The following AFG1L variants were observed in gnomAD, a reference collection of about 807,000 sequenced individuals.
The protein encoded by AFG1L is AFG1-like ATPase.
A neutral mutation model predicts 62.2 loss-of-function variants in AFG1L; 53 were observed. That is an observed-to-expected ratio of 0.85 (90% CI 0.68 to 1.07). The LOEUF (loss-of-function observed/expected upper bound fraction) is 1.07, where lower values mean the gene tolerates loss of function less well. Ranked by LOEUF, AFG1L falls within the 50% of genes least tolerant of loss-of-function variation. AFG1L has a pLI of 0.00. For synonymous variants in AFG1L, 228 were observed against 210.3 expected (o/e 1.08, Z -0.73); for missense variants, 555 against 590.5 (o/e 0.94, Z 0.62).
chr6:108,474,912 T>A (rs1384666325), intron 8 of AFG1L, among the ~76,000 whole-genome samples: 2 of 152,208 alleles, frequency 1.3e-5, no homozygotes, highest in Non-Finnish European at 2.9e-5. Flanking sequence ...ATTTGTCAAT[T>A]TTTGCCTTCA....
rs867391798 is a variant in AFG1L at position 108,450,621 on chromosome 6, A to G, written c.890+3325A>G. On this transcript the variant is annotated intron_variant, in intron 8 of 12. Coordinates refer to ENST00000368977, the MANE Select transcript of AFG1L (RefSeq NM_145315.5). ...TAGTTTAATTAGATCCCATTTGTCAATTTTGGCTTTTGTTGCCATTGCTTT... is the reference window on the plus strand; with the variant it reads ...TAGTTTAATTAGATCCCATTTGTCAGTTTTGGCTTTTGTTGCCATTGCTTT... 2.0e-5 allele frequency among the ~76,000 whole-genome samples: 3 copies of G among 152,128 alleles called. No homozygotes were observed. The South Asian group carries it at 6.2e-4, about 31-fold the overall frequency.
intron 7 of AFG1L, among the ~76,000 whole-genome samples, chr6:108,414,022 T>C (rs1782238540): frequency 6.6e-6 from 1 of 152,008 alleles, no homozygotes; most frequent in African/African-American, 2.4e-5. Flanking sequence ...GATAGACCAC[T>C]AGCAAGACTA....
chr6:108,446,930 G>T (rs912678024), intron 7 of AFG1L, among the ~76,000 whole-genome samples: 1 of 152,134 alleles, frequency 6.6e-6, no homozygotes, highest in Non-Finnish European at 1.5e-5. Context: ...AAACCCAGAT[G>T]AAGTTATTTG....
At chr6:108,519,414 C>A (rs1775034444) in intron 11 of AFG1L, among the ~76,000 whole-genome samples, 1 of 152,200 alleles carries the variant, frequency 6.6e-6, no homozygotes, top group Non-Finnish European at 1.5e-5. Flanking sequence ...TCTGGGCTGA[C>A]ATCTTGAGCT....
At chr6:108,362,522 A>G (rs1226564231) in intron 5 of AFG1L, among the ~76,000 whole-genome samples, 2 of 152,220 alleles carry the variant, frequency 1.3e-5, no homozygotes, top group Non-Finnish European at 2.9e-5. Flanking sequence ...AATTATATTA[A>G]TACTAGCATA....
At chr6:108,356,569 A>G in intron 4 of AFG1L, 121 bp from the exon 5 acceptor site, 1 of 572,866 alleles carries the variant, frequency 1.7e-6, no homozygotes, top group Non-Finnish European at 2.8e-6. Context: ...TTGATTTTAC[A>G]TGGAGTTTAA....
chr6:108,395,512 C>T (rs192220327), intron 6 of AFG1L, among the ~76,000 whole-genome samples: 1 of 150,200 alleles, frequency 6.7e-6, no homozygotes, highest in East Asian at 2.0e-4. Flanking sequence ...GGTGAGCCTC[C>T]CACCTCATCT....
At chr6:108,450,493 G>A (rs141772074) in intron 8 of AFG1L, among the ~76,000 whole-genome samples, 15,097 of 151,982 alleles carry the variant, frequency 0.099, 1,066 homozygotes, top group African/African-American at 0.2. Context: ...TAGATTCTGG[G>A]TATTAGCCCT....
At chr6:108,520,143 G>A (rs1582698767) in intron 12 of AFG1L, 1 of 221,068 alleles carries the variant, frequency 4.5e-6, no homozygotes, top group East Asian at 1.2e-4. Flanking sequence ...CCTGTGCCCG[G>A]TTCTGGGCTT....
intron 3 of AFG1L, among the ~76,000 whole-genome samples, chr6:108,348,235 T>C (rs774307208): frequency 6.6e-6 from 1 of 152,124 alleles, no homozygotes; most frequent in Non-Finnish European, 1.5e-5. Context: ...TCTGCCACCA[T>C]GCCCGGCTAA....
intron 2 of AFG1L, among the ~76,000 whole-genome samples, chr6:108,333,924 A>G (rs180749085): frequency 1.3e-3 from 204 of 152,306 alleles, no homozygotes; most frequent in African/African-American, 4.6e-3. Flanking sequence ...ATAGTCTTCA[A>G]TTTTGCCTGT....
chr6:108,381,101 A>G (rs1780493863), intron 6 of AFG1L, among the ~76,000 whole-genome samples: 1 of 152,242 alleles, frequency 6.6e-6, no homozygotes, highest in African/African-American at 2.4e-5. Context: ...GAAAAAAGCC[A>G]ACCAAAAACA....
intron 3 of AFG1L, among the ~76,000 whole-genome samples, chr6:108,354,299 A>T (rs138909248): frequency 1.3e-5 from 2 of 151,620 alleles, no homozygotes; most frequent in Non-Finnish European, 2.9e-5. Context: ...ACTGAACCCT[A>T]TGTTTTTTTT....
intron 1 of AFG1L, among the ~76,000 whole-genome samples, chr6:108,313,792 G>A (rs1017042097): frequency 1.3e-5 from 2 of 152,012 alleles, no homozygotes; most frequent in South Asian, 2.1e-4. Flanking sequence ...TGCCTGCTTC[G>A]GCCTCCCAAA....
intron 1 of AFG1L, among the ~76,000 whole-genome samples, chr6:108,299,943 AT>A (rs1322394266): frequency 6.6e-6 from 1 of 152,214 alleles, no homozygotes; most frequent in Admixed American, 6.5e-5. Context: ...AAATTAGCAT[AT>A]CTGAAATTCC....
chr6:108,401,946 ACAT>A, intron 6 of AFG1L, 47 bp from the exon 7 acceptor site: 1 of 802,996 alleles, frequency 1.2e-6, no homozygotes, highest in Non-Finnish European at 2.0e-6. Context: ...CGATAAATTA[ACAT>A]CATGATTTAG....
At chr6:108,472,309 C>T (rs901707912) in intron 8 of AFG1L, among the ~76,000 whole-genome samples, 4 of 152,068 alleles carry the variant, frequency 2.6e-5, no homozygotes, top group Non-Finnish European at 5.9e-5. Context: ...AAATATACAG[C>T]ATGAGGACTA....
intron 8 of AFG1L, among the ~76,000 whole-genome samples, chr6:108,472,150 T>G (rs972028982): frequency 2.0e-5 from 3 of 151,926 alleles, no homozygotes; most frequent in South Asian, 2.1e-4. Flanking sequence ...AGTCAAATAC[T>G]TAGAAACAGA....
In AFG1L at chr6:108,442,557, C is replaced by G. The variant is rs79558149; in HGVS notation, c.808-4657C>G. ...CAACAGGTTGCTCATGCCAGCATTG[C>G]AGGGAGCCATGACTTTTGCTAGTTT... On this transcript the variant is annotated intron_variant, in intron 7 of 12. Transcript: ENST00000368977. Among the ~76,000 whole-genome samples the G allele has an allele frequency of 3.9e-5, 6 of 152,218 alleles. No homozygotes were observed. In the East Asian group the frequency reaches 1.2e-3, roughly 29 times the overall value.
Sources: gnomAD v4.1 joint callset for allele counts (sites outside exome capture counted in the v4.1 genomes callset) on GRCh38, gnomAD v4.1.1 for gene constraint, MANE v1.5 for transcripts, NCBI Gene and HGNC (gene_info 2026-07-23, HGNC 2026-07-21) for gene names.